The following MBD5 variants were observed in gnomAD, a reference collection of about 807,000 sequenced individuals.
The protein encoded by MBD5 is methyl-CpG binding domain protein 5, also known as methyl-CpG-binding domain protein 5.
Under a neutral mutation model 117.3 loss-of-function variants are expected in MBD5, and 13 were observed. That is an observed-to-expected ratio of 0.11 (90% CI 0.07 to 0.18). The LOEUF (loss-of-function observed/expected upper bound fraction) is 0.18, where lower values mean the gene tolerates loss of function less well. MBD5 is among the 10% of genes least tolerant of loss of function. The probability of loss-of-function intolerance (pLI) is 1.00; values close to 1 mark genes in which losing one functional copy is unlikely to be tolerated. For missense variants in MBD5, 1,879 were observed against 2,093.8 expected (o/e 0.90, Z 2.00); for synonymous variants, 727 against 766.4 (o/e 0.95, Z 0.85).
At chr2:148,254,382 G>A (rs1459012334) in intron 3 of MBD5, among the ~76,000 whole-genome samples, 1 of 152,176 alleles carries the variant, frequency 6.6e-6, no homozygotes, top group African/African-American at 2.4e-5. Context: ...GTTAACAGGA[G>A]GAGTGCCACT....
chr2:148,409,587 T>TTC (rs35387218), intron 4 of MBD5, among the ~76,000 whole-genome samples: 38,265 of 151,934 alleles, frequency 0.25, 5,650 homozygotes, highest in African/African-American at 0.41. Flanking sequence ...CATGTATTAT[T>TTC]TCTTTTGAAC....
intron 4 of MBD5, among the ~76,000 whole-genome samples, chr2:148,412,001 C>A (rs1406632741): frequency 6.6e-6 from 1 of 151,734 alleles, no homozygotes; most frequent in Admixed American, 6.6e-5. Context: ...ACATTTAAGT[C>A]TTTCATCTAT....
At chr2:148,071,300 G>A (rs899762011) in intron 1 of MBD5, 3 of 151,350 alleles carry the variant, frequency 2.0e-5, no homozygotes, top group African/African-American at 4.9e-5. Flanking sequence ...GTGTGTGTGT[G>A]TGTGTGTGTG....
chr2:148,354,845 T>G (rs1703336097), intron 4 of MBD5, among the ~76,000 whole-genome samples: 2 of 152,240 alleles, frequency 1.3e-5, no homozygotes, highest in Non-Finnish European at 2.9e-5. Context: ...TGATTTTGAT[T>G]TGCATTTCTC....
intron 1 of MBD5, among the ~76,000 whole-genome samples, chr2:148,118,128 T>C (rs183884287): frequency 3.3e-5 from 5 of 152,248 alleles, no homozygotes; most frequent in African/African-American, 1.2e-4. Flanking sequence ...AAGCTCATAG[T>C]TGGTAAGTAG....
At chr2:148,146,084 C>CA (rs1211514785) in intron 1 of MBD5, among the ~76,000 whole-genome samples, 4 of 152,108 alleles carry the variant, frequency 2.6e-5, no homozygotes, top group African/African-American at 9.7e-5. Flanking sequence ...ATTGATATGA[C>CA]ACTGCAGAAC....
intron 1 of MBD5, among the ~76,000 whole-genome samples, chr2:148,048,696 G>A (rs1694608686): frequency 6.6e-6 from 1 of 152,066 alleles, no homozygotes; most frequent in Non-Finnish European, 1.5e-5. Flanking sequence ...TTCAGTAAAA[G>A]ACAAATGATA....
At chr2:148,117,460 T>C (rs1574032095) in intron 1 of MBD5, among the ~76,000 whole-genome samples, 2 of 152,200 alleles carry the variant, frequency 1.3e-5, no homozygotes, top group Admixed American at 6.5e-5. Context: ...TCACCTTAAA[T>C]AATTTCCCAC....
chr2:148,121,488 T>C (rs1183669241), intron 1 of MBD5, among the ~76,000 whole-genome samples: 1 of 152,102 alleles, frequency 6.6e-6, no homozygotes, highest in East Asian at 1.9e-4. Flanking sequence ...GCTATATATC[T>C]AGCACCTACA....
Position 148,355,148 on chromosome 2 carries a change from A to T in MBD5, c.-557+12812A>T, listed in dbSNP as rs1703347533. Among the ~76,000 whole-genome samples the T allele has an allele frequency of 2.6e-5, 4 of 151,986 alleles. No homozygotes were observed. In the South Asian group the frequency reaches 8.3e-4, roughly 32 times the overall value. On this transcript the variant is annotated intron_variant, in intron 4 of 13. Coordinates refer to ENST00000642680, the MANE Select transcript of MBD5 (RefSeq NM_001378120.1). ...GTTTTTTTTCTTGTAAATTTTTTTA[A>T]GTTCCTTGTAGATGCTGGATATTAG...
At chr2:148,168,189 C>T (rs990727866) in intron 1 of MBD5, among the ~76,000 whole-genome samples, 1 of 152,100 alleles carries the variant, frequency 6.6e-6, no homozygotes, top group Admixed American at 6.5e-5. Context: ...TCAAGGCTAC[C>T]ATGATTCAGA....
At chr2:148,116,749 T>G (rs1696650631) in intron 1 of MBD5, among the ~76,000 whole-genome samples, 1 of 152,234 alleles carries the variant, frequency 6.6e-6, no homozygotes, top group South Asian at 2.1e-4. Context: ...TTATACTGAT[T>G]GCTCACATTG....
intron 3 of MBD5, among the ~76,000 whole-genome samples, chr2:148,336,988 T>G (rs1260659531): frequency 2.0e-5 from 3 of 152,222 alleles, no homozygotes; most frequent in Admixed American, 6.5e-5. Flanking sequence ...CAGCTTAGTC[T>G]TAGCCACTTT....
chr2:148,370,570 C>G (rs1703822500), intron 4 of MBD5, among the ~76,000 whole-genome samples: 1 of 152,126 alleles, frequency 6.6e-6, no homozygotes, highest in East Asian at 1.9e-4. Flanking sequence ...CTCACTGCAA[C>G]CTCTGCCCAC....
intron 4 of MBD5, among the ~76,000 whole-genome samples, chr2:148,423,046 A>C (rs1705655596): frequency 6.6e-6 from 1 of 152,162 alleles, no homozygotes; most frequent in African/African-American, 2.4e-5. Context: ...ACCTAGCAAG[A>C]CAGGCCAACA....
At chr2:148,390,377 C>G (rs938004102) in intron 4 of MBD5, among the ~76,000 whole-genome samples, 4 of 151,428 alleles carry the variant, frequency 2.6e-5, no homozygotes, top group Admixed American at 2.6e-4. Flanking sequence ...TATATGCAGT[C>G]ACTTTAGGGG....
At chr2:148,346,446 A>G (rs890312927) in intron 4 of MBD5, 2 of 152,030 alleles carry the variant, frequency 1.3e-5, no homozygotes, top group Non-Finnish European at 2.9e-5. Flanking sequence ...TTCTACCAAC[A>G]GTGTTTGAAA....
At chr2:148,429,377 G>A (rs966845165) in intron 4 of MBD5, among the ~76,000 whole-genome samples, 2 of 152,170 alleles carry the variant, frequency 1.3e-5, no homozygotes, top group African/African-American at 4.8e-5. Context: ...GGAGAAATAG[G>A]AACACTTTTA....
At chr2:148,506,902 A>T (rs1305793738) in intron 12 of MBD5, among the ~76,000 whole-genome samples, 1 of 152,198 alleles carries the variant, frequency 6.6e-6, no homozygotes, top group Non-Finnish European at 1.5e-5. Context: ...TCTTGAATTC[A>T]TAGAGCTTTT....
Sources: gnomAD v4.1 joint callset for allele counts (sites outside exome capture counted in the v4.1 genomes callset) on GRCh38, gnomAD v4.1.1 for gene constraint, MANE v1.5 for transcripts, NCBI Gene and HGNC (gene_info 2026-07-23, HGNC 2026-07-21) for gene names.